Variants in PLEKHG5 observed in about 807,000 individuals in gnomAD.
The protein encoded by PLEKHG5 is pleckstrin homology and RhoGEF domain containing G5.
PLEKHG5 carries 52 observed loss-of-function variants against 103.8 expected under a neutral mutation model. That is an observed-to-expected ratio of 0.50 (90% CI 0.40 to 0.63). The LOEUF (loss-of-function observed/expected upper bound fraction) is 0.63. PLEKHG5 is among the 30% of genes least tolerant of loss of function. The pLI is 0.00. For missense variants in PLEKHG5, 1,205 were observed against 1,347.6 expected, an observed-to-expected ratio of 0.89 and a Z score of 1.66; for synonymous variants, 592 against 575.5, an observed-to-expected ratio of 1.03 and a Z score of -0.41.
intron 1 of PLEKHG5, among the ~76,000 whole-genome samples, chr1:6,483,445 G>A (rs924988771): frequency 2.0e-5 from 3 of 152,130 alleles, no homozygotes; most frequent in African/African-American, 7.2e-5. Context: ...TTAATCTATC[G>A]TAAAACAAAG....
At chr1:6,468,974 C>T in intron 19 of PLEKHG5, 68 bp downstream of exon 19, 1 of 1,313,634 alleles carries the variant, frequency 7.6e-7, no homozygotes, top group South Asian at 1.2e-5. Context: ...CGTGGCTGGG[C>T]CTTCAGGAGT....
At chr1:6,475,570 G>T in intron 3 of PLEKHG5, 48 bp from the exon 4 acceptor site, 1 of 1,528,554 alleles carries the variant, frequency 6.5e-7, no homozygotes, top group Non-Finnish European at 9.0e-7. Flanking sequence ...GGTGGCCCTC[G>T]CCAGCGTGGG....
Position 6,486,024 on chromosome 1 carries a change from G to C in PLEKHG5, c.-88+5613C>G, listed in dbSNP as rs1412067475. ...GTGGAGCCCCTCCCCTGGGTGACTC[G>C]ATCCCCGCCCAGCCCTGGGGGTGCC... On this transcript the variant is annotated intron_variant, in intron 1 of 20. Coordinates refer to ENST00000377728, the MANE Select transcript of PLEKHG5 (RefSeq NM_020631.6). The surrounding 1 kb of genome is among the most constrained non-coding windows in gnomAD (Gnocchi z 5.3). The C allele has an allele frequency of 4.5e-6, 2 of 449,244 alleles. No homozygotes were observed. The highest frequency in any genetic ancestry group is 1.6e-4 in the East Asian group (1 of 6,100). The allele number at this position is 449,244 out of a possible 1,614,324, so 27.8% of individuals were successfully genotyped here.
upstream of PLEKHG5, chr1:6,497,323 T>A: frequency 8.7e-7 from 1 of 1,155,016 alleles, no homozygotes; most frequent in African/African-American, 1.6e-5. The surrounding 1 kb of genome is among the most constrained non-coding windows in gnomAD (Gnocchi z 6.1). Context: ...CACTCACCCA[T>A]GGAGCAGGCC....
chr1:6,468,412 C>A lies in PLEKHG5; in HGVS notation c.2424G>T (p.Val808=). 6.2e-7 allele frequency: 1 copy of A among 1,612,074 alleles called. No individual in the cohort carries two copies. Residue 808 remains valine, a synonymous_variant, in exon 20 of 21, where the codon GTG becomes GTT. Coordinates refer to ENST00000377728, the MANE Select transcript of PLEKHG5 (RefSeq NM_020631.6). ...PTSELLPLGP[V]DGRSCSMDSA... ...AGTCCATGGAGCAGGAGCGGCCGTC[C>A]ACCGGACCCAGGGGCAGCAGCTCAC... is the stretch of plus-strand genomic sequence containing the variant.
At chr1:6,477,417 T>G in intron 2 of PLEKHG5, 112 bp downstream of exon 2, 2 of 1,132,046 alleles carry the variant, frequency 1.8e-6, no homozygotes, top group Non-Finnish European at 2.6e-6. Flanking sequence ...TACTCGGGTT[T>G]CATTATTTAC....
In PLEKHG5 at chr1:6,472,614, G is replaced by A. The variant is rs1434282802; in HGVS notation, c.993C>T (p.Thr331=). The change falls in exon 10 of 21, where the codon ACC becomes ACT. Residue 331 remains threonine, a synonymous_variant. Transcript: ENST00000377728. ...CCTCCTGCTGGTGGCACTGCCGCCG[G>A]GTCAGCTTCTAGAGGGAGGGCAGGA... ...RELIDGHEKL[T]RRQCHQQEAV... 3.7e-6 allele frequency: 6 copies of A among 1,612,094 alleles called. No homozygotes were observed. Among genetic ancestry groups the A allele is most frequent in the Non-Finnish European group, 5.1e-6 (6 of 1,179,106 alleles).
At chr1:6,502,768 C>A (rs11121973) in intron 1 of PLEKHG5, among the ~76,000 whole-genome samples, 1,624 of 152,350 alleles carry the variant, frequency 0.011, 23 homozygotes, top group African/African-American at 0.036. Context: ...CCTGCATGGG[C>A]CCCGGCCAGG....
At chr1:6,493,766 C>G (rs1334548060), upstream of PLEKHG5, among the ~76,000 whole-genome samples, 1 of 152,046 alleles carries the variant, frequency 6.6e-6, no homozygotes, top group African/African-American at 2.4e-5. Flanking sequence ...AGCGATTCTT[C>G]TGCCTCAGCC....
At chr1:6,495,915 A>G (rs555930406), upstream of PLEKHG5, among the ~76,000 whole-genome samples, 3 of 152,366 alleles carry the variant, frequency 2.0e-5, no homozygotes, top group Admixed American at 2.0e-4. Context: ...AGAAGCGCCC[A>G]GCCAGTACTA....
chr1:6,503,759 C>T (rs1479310544), intron 1 of PLEKHG5, among the ~76,000 whole-genome samples: 2 of 152,168 alleles, frequency 1.3e-5, no homozygotes, highest in African/African-American at 4.8e-5. Context: ...TGGGTATGCC[C>T]TCTCTACGTT....
chr1:6,469,454 G>C lies in PLEKHG5; in HGVS notation c.1934-4C>G, dbSNP rs951050550. 5 of 1,613,590 alleles carry C rather than the reference G, an allele frequency of 3.1e-6. No homozygotes were observed. The Admixed American group carries it at 6.7e-5, about 22-fold the overall frequency. ...AGGTAGATAAGGAGGAAGGACCCTG[G>C]TTAGGGAAGGCCCAAGTCAGTGTCA... On this transcript the variant is annotated splice_region_variant and splice_polypyrimidine_tract_variant and intron_variant, in intron 17 of 20. Transcript: ENST00000377728.
At chr1:6,510,318 C>T (rs1638440016) in intron 1 of PLEKHG5, among the ~76,000 whole-genome samples, 2 of 152,032 alleles carry the variant, frequency 1.3e-5, no homozygotes, top group African/African-American at 4.8e-5. Flanking sequence ...CCCGGCCGGG[C>T]ACAGTGGCTC....
chr1:6,472,045 G>A (rs1430671379), intron 10 of PLEKHG5, among the ~76,000 whole-genome samples: 1 of 152,234 alleles, frequency 6.6e-6, no homozygotes, highest in African/African-American at 2.4e-5. Flanking sequence ...CCTCCTGGAG[G>A]GAAGCTCGGG....
At position 6,469,129 on chromosome 1, in the gene PLEKHG5, TC is replaced by T. The variant is rs773064930; in HGVS notation, c.2161del (p.Glu721ArgfsTer44). The T allele has an allele frequency of 1.9e-5, 30 of 1,597,506 alleles. No homozygotes were observed. The African/African-American group carries it at 3.7e-4, about 20-fold the overall frequency. ...QEEEEEEEEEEEEGEDSGTSA... is the reference protein window; with the variant it reads ...QEEEEEEEEEXEEGEDSGTSA... ...AGTGCCACTGTCCTCGCCTTCCTCCTCCTCCTCCTCCTCCTCCTCTTCCTCC... is the reference window on the plus strand; with the variant it reads ...AGTGCCACTGTCCTCGCCTTCCTCCTCTCCTCCTCCTCCTCCTCTTCCTCC... On this transcript the variant is annotated frameshift_variant, in exon 19 of 21. Transcript: ENST00000377728. LOFTEE classifies it high-confidence loss of function.
At chr1:6,517,929 A>G (rs944634713) in intron 1 of PLEKHG5, among the ~76,000 whole-genome samples, 4 of 152,078 alleles carry the variant, frequency 2.6e-5, no homozygotes, top group African/African-American at 9.7e-5. Context: ...CATGGCGGAT[A>G]TATATATACA....
rs1644552319 is a variant in PLEKHG5, at chr1:6,470,879, C to T, written c.1398G>A (p.Ala466=). ...GCCTCTGGCACTGTGGGTGCTTCTC[C>T]GCCCACTGCGGTGGGGGAGTGGGGG... The part of the protein sequence containing the change: ...NDLFRAYITW[A]EKHPQCQRLK... The change falls in exon 14 of 21, where the codon GCG becomes GCA. Residue 466 remains alanine, a synonymous_variant. Transcript: ENST00000377728. 6.4e-7 allele frequency: 1 copy of T among 1,554,374 alleles called. No homozygotes were observed. The highest frequency in any genetic ancestry group is 8.7e-7 in the Non-Finnish European group (1 of 1,152,194).
chr1:6,490,653 G>A lies in PLEKHG5; in HGVS notation c.-88+984C>T. 3.1e-6 allele frequency: 3 copies of A among 964,748 alleles called. No individual in the cohort carries two copies. Among genetic ancestry groups the A allele is most frequent in the Non-Finnish European group, 3.7e-6 (3 of 811,282 alleles). The allele number at this position is 964,748 out of a possible 1,614,324, so 59.8% of individuals were successfully genotyped here. A position where few individuals can be genotyped will look rare whatever the true frequency, so the allele number is the denominator to read the frequency against. ...CCTGGACCGGCCGGGATGTACCAAC[G>A]GCGCCGCCCGGCTGGGACCGGGGAG... On this transcript the variant is annotated intron_variant, in intron 1 of 20. Coordinates refer to ENST00000377728, the MANE Select transcript of PLEKHG5 (RefSeq NM_020631.6). The surrounding 1 kb of genome is among the most constrained non-coding windows in gnomAD (Gnocchi z 8.0).
intron 10 of PLEKHG5, 49 bp downstream of exon 10, chr1:6,472,478 G>C (rs1164815989): frequency 2.8e-5 from 37 of 1,308,324 alleles, no homozygotes; most frequent in Non-Finnish European, 3.9e-5. Flanking sequence ...AGGGCTGTCA[G>C]AAAGAGGGGG....
Sources: allele counts gnomAD v4.1 joint callset (sites outside exome capture counted in the v4.1 genomes callset), GRCh38; gene constraint gnomAD v4.1.1; non-coding constraint Gnocchi (gnomAD v3.1); transcripts MANE v1.5; gene names NCBI Gene and HGNC (gene_info 2026-07-23, HGNC 2026-07-21).